The following TLN2 variants were observed in gnomAD, a reference collection of about 807,000 sequenced individuals.
TLN2 encodes talin 2.
A neutral mutation model predicts 294.7 loss-of-function variants in TLN2; 118 were observed. The observed-to-expected ratio is 0.40, with a 90% confidence interval of 0.34 to 0.47. TLN2 has a LOEUF of 0.47. Ranked by LOEUF, TLN2 falls within the 20% of genes least tolerant of loss-of-function variation. The pLI is 0.84. For missense variants in TLN2, 3,083 were observed against 3,282.2 expected (o/e 0.94, Z 1.48); for synonymous variants, 1,431 against 1,304.5 (o/e 1.10, Z -2.09).
In TLN2 at chr15:62,657,782, C is replaced by G; in HGVS notation, c.672C>G (p.Asp224Glu). Residue 224 changes from aspartate (D) to glutamate (E), a missense_variant, in exon 9 of 59, where the codon GAC (aspartate) becomes GAG (glutamate). By Grantham distance (45) the Asp-to-Glu change is conservative. Transcript: ENST00000636159. ...CTCTTGTGTTTCAGGCACGGGATGACATCCTGAATGGCTCTCACCCTGTCT... is the reference window on the plus strand; with the variant it reads ...CTCTTGTGTTTCAGGCACGGGATGAGATCCTGAATGGCTCTCACCCTGTCT... ...LNLLYVQARD[D>E]ILNGSHPVSF... 6.2e-7 allele frequency: 1 copy of G among 1,611,938 alleles called. No homozygotes were observed. Among genetic ancestry groups the G allele is most frequent in the South Asian group, 1.1e-5 (1 of 90,358 alleles).
chr15:62,677,887 C>T (rs2056410419), intron 11 of TLN2, among the ~76,000 whole-genome samples: 1 of 147,652 alleles, frequency 6.8e-6, no homozygotes, highest in African/African-American at 2.5e-5. Context: ...CCTCCGCCTC[C>T]TGTGTTCAAG....
chr15:62,425,937 G>T (rs1430599853), intron 1 of TLN2, among the ~76,000 whole-genome samples: 3 of 152,202 alleles, frequency 2.0e-5, no homozygotes, highest in Non-Finnish European at 2.9e-5. Flanking sequence ...GAGCTGCCAG[G>T]ATAAACCACC....
intron 40 of TLN2, among the ~76,000 whole-genome samples, chr15:62,764,339 C>A (rs17740623): frequency 0.21 from 32,340 of 152,014 alleles, 3,599 homozygotes; most frequent in South Asian, 0.24. Flanking sequence ...AAGCACAATG[C>A]TTGACTTGCA....
chr15:62,606,204 C>T (rs549901434), intron 2 of TLN2, among the ~76,000 whole-genome samples: 2 of 151,962 alleles, frequency 1.3e-5, no homozygotes, highest in Admixed American at 6.5e-5. Context: ...GCCTCAGCCT[C>T]CCATGCAGCT....
chr15:62,587,430 G>T (rs1280461496), intron 1 of TLN2, among the ~76,000 whole-genome samples: 1 of 152,028 alleles, frequency 6.6e-6, no homozygotes, highest in African/African-American at 2.4e-5. Flanking sequence ...CATCTCTCTG[G>T]ACATCCAAGA....
At chr15:62,654,754 CAAAAAAAAAAAAAA>C (rs59006343) in intron 7 of TLN2, among the ~76,000 whole-genome samples, 15 of 33,856 alleles carry the variant, frequency 4.4e-4, no homozygotes, top group African/African-American at 4.7e-4. Context: ...GACTCTGCCT[CAAAAAAAAAAAAAA>C]AAAAAAAAAA....
intron 1 of TLN2, among the ~76,000 whole-genome samples, chr15:62,535,491 C>A (rs1258614805): frequency 6.6e-6 from 1 of 150,638 alleles, no homozygotes; most frequent in Non-Finnish European, 1.5e-5. Context: ...CACACACACA[C>A]CCCTCTCTCT....
chr15:62,625,478 A>T (rs1442180940), intron 3 of TLN2, among the ~76,000 whole-genome samples: 2 of 152,174 alleles, frequency 1.3e-5, no homozygotes, highest in African/African-American at 4.8e-5. Context: ...GGTTACAGCA[A>T]GAAATATGGG....
chr15:62,664,561 A>G (rs1399151888), intron 9 of TLN2, among the ~76,000 whole-genome samples: 3 of 152,130 alleles, frequency 2.0e-5, no homozygotes, highest in Admixed American at 2.0e-4. Flanking sequence ...GTGGAAACTA[A>G]CTTCAAAAAA....
intron 1 of TLN2, among the ~76,000 whole-genome samples, chr15:62,440,557 C>T (rs918900104): frequency 2.6e-5 from 4 of 152,154 alleles, no homozygotes; most frequent in African/African-American, 7.2e-5. Context: ...TCAGGGAGGA[C>T]GGTGCTGACT....
At chr15:62,554,425 G>GT (rs1464621719) in intron 1 of TLN2, among the ~76,000 whole-genome samples, 1 of 150,894 alleles carries the variant, frequency 6.6e-6, no homozygotes, top group East Asian at 1.9e-4. Context: ...GAAAGCTGTA[G>GT]TTTTAACTTA....
intron 1 of TLN2, among the ~76,000 whole-genome samples, chr15:62,570,712 T>A (rs2140640627): frequency 6.6e-6 from 1 of 152,336 alleles, no homozygotes; most frequent in African/African-American, 2.4e-5. Context: ...AGCAGCTGCC[T>A]CGGCCTCTAC....
Position 62,689,877 on chromosome 15 carries a change from T to TTTTTTTTTTTTTTTTTTTTA in TLN2, c.1114-2963_1114-2962insTTTTTTTTTTTTTTTTTTTA, listed in dbSNP as rs71131119. ...TTTTTTTTTTTTTTTTTTTTTTTTT[T>TTTTTTTTTTTTTTTTTTTTA]ATTGGCTGACCCCCCTTCCTCCCTC... is the stretch of plus-strand genomic sequence containing the variant. On this transcript the variant is annotated intron_variant, in intron 12 of 58. Coordinates refer to ENST00000636159, the MANE Select transcript of TLN2 (RefSeq NM_015059.3). 2.3e-3 allele frequency among the ~76,000 whole-genome samples: 23 copies of TTTTTTTTTTTTTTTTTTTTA among 9,848 alleles called. 11 individuals carry two copies. Among genetic ancestry groups the TTTTTTTTTTTTTTTTTTTTA allele is most frequent in the Admixed American group, 5.3e-3 (2 of 380 alleles). The allele number at this position is 9,848 out of a possible 152,430, so 6.5% of individuals were successfully genotyped here. A position where few individuals can be genotyped will look rare whatever the true frequency, so the allele number is the denominator to read the frequency against.
chr15:62,562,943 C>G (rs942398470), intron 1 of TLN2, among the ~76,000 whole-genome samples: 25 of 149,646 alleles, frequency 1.7e-4, no homozygotes, highest in African/African-American at 5.9e-4. Flanking sequence ...CACACACACA[C>G]ACACACACAC....
At chr15:62,814,570 T>TTATG (rs1331649782) in intron 52 of TLN2, among the ~76,000 whole-genome samples, 1 of 152,222 alleles carries the variant, frequency 6.6e-6, no homozygotes, top group Non-Finnish European at 1.5e-5. Context: ...TGAAATAGCA[T>TTATG]TATGTATTCA....
At chr15:62,468,240 C>T (rs879501359) in intron 1 of TLN2, among the ~76,000 whole-genome samples, 8 of 152,026 alleles carry the variant, frequency 5.3e-5, no homozygotes, top group Non-Finnish European at 1.0e-4. Flanking sequence ...TTGACCTAAA[C>T]TAGGAAATGA....
At chr15:62,419,802 A>G (rs754931338) in intron 1 of TLN2, among the ~76,000 whole-genome samples, 4 of 151,976 alleles carry the variant, frequency 2.6e-5, no homozygotes, top group Non-Finnish European at 5.9e-5. Flanking sequence ...AGACCTGGCT[A>G]ATTTTTGTAT....
At chr15:62,576,811 G>T (rs2044459538) in intron 1 of TLN2, among the ~76,000 whole-genome samples, 1 of 152,076 alleles carries the variant, frequency 6.6e-6, no homozygotes, top group African/African-American at 2.4e-5. Flanking sequence ...AGCTGATTCT[G>T]GAAATCCGAG....
At chr15:62,505,361 A>T (rs1225311262) in intron 1 of TLN2, among the ~76,000 whole-genome samples, 1 of 152,156 alleles carries the variant, frequency 6.6e-6, no homozygotes, top group East Asian at 1.9e-4. Context: ...TAGCTTACAC[A>T]CTGTGCTGAT....
Sources: allele counts gnomAD v4.1 joint callset (sites outside exome capture counted in the v4.1 genomes callset), GRCh38; gene constraint gnomAD v4.1.1; transcripts MANE v1.5; gene names NCBI Gene and HGNC (gene_info 2026-07-23, HGNC 2026-07-21).